The following RNF121 variants were observed in gnomAD, a reference collection of about 807,000 sequenced individuals.
RNF121 encodes E3 ubiquitin ligase RNF121.
Under a neutral mutation model 46.5 loss-of-function variants are expected in RNF121, and 21 were observed. That is an observed-to-expected ratio of 0.45 (90% CI 0.32 to 0.65). The LOEUF (loss-of-function observed/expected upper bound fraction) is 0.65. RNF121 is among the 30% of genes least tolerant of loss of function. RNF121 has a pLI of 0.04. For synonymous variants in RNF121, 139 were observed against 144.7 expected (o/e 0.96, Z 0.28); for missense variants, 346 against 416.0 (o/e 0.83, Z 1.46).
At chr11:71,995,592 A>G in intron 8 of RNF121, 41 bp downstream of exon 8, 1 of 1,489,528 alleles carries the variant, frequency 6.7e-7, no homozygotes, top group Non-Finnish European at 9.2e-7. Flanking sequence ...GGGCTGTGGG[A>G]AGAAAGTACT....
chr11:71,948,463 T>C (rs111421452), intron 1 of RNF121, among the ~76,000 whole-genome samples: 4,755 of 129,468 alleles, frequency 0.037, 74 homozygotes, highest in Middle Eastern at 0.12. Context: ...TGCAGTGACC[T>C]GAGATTGCGC....
chr11:71,994,485 A>G (rs1954932414), intron 6 of RNF121, among the ~76,000 whole-genome samples: 2 of 151,984 alleles, frequency 1.3e-5, no homozygotes, highest in Admixed American at 6.6e-5. Flanking sequence ...CTAACTTCCC[A>G]ACTGTCTCTA....
chr11:71,962,562 T>C (rs955617955), intron 3 of RNF121, among the ~76,000 whole-genome samples: 1 of 152,240 alleles, frequency 6.6e-6, no homozygotes, highest in Non-Finnish European at 1.5e-5. Context: ...ATGAGGCCAG[T>C]TGTACTAGGA....
intron 3 of RNF121, among the ~76,000 whole-genome samples, chr11:71,973,807 C>CA (rs1954471138): frequency 6.6e-6 from 1 of 151,292 alleles, no homozygotes; most frequent in African/African-American, 2.4e-5. Context: ...AAAAACAAAC[C>CA]AAAAAAACCC....
At chr11:71,971,473 C>T (rs1954418727) in intron 3 of RNF121, among the ~76,000 whole-genome samples, 1 of 152,118 alleles carries the variant, frequency 6.6e-6, no homozygotes, top group Non-Finnish European at 1.5e-5. Flanking sequence ...TTAAGGATTT[C>T]TGTTCTGTTA....
chr11:71,937,669 T>C (rs907648826), intron 1 of RNF121, among the ~76,000 whole-genome samples: 2 of 152,226 alleles, frequency 1.3e-5, no homozygotes, highest in African/African-American at 4.8e-5. Context: ...TATTTCTGTA[T>C]TGCTTCAACT....
intron 3 of RNF121, among the ~76,000 whole-genome samples, chr11:71,961,676 A>C (rs1182786488): frequency 6.6e-6 from 1 of 152,264 alleles, no homozygotes; most frequent in Admixed American, 6.5e-5. Flanking sequence ...AATCACTTTA[A>C]ATATAAATGG....
chr11:71,959,761 G>A (rs1219566353), intron 2 of RNF121, among the ~76,000 whole-genome samples: 1 of 151,472 alleles, frequency 6.6e-6, no homozygotes, highest in Non-Finnish European at 1.5e-5. Flanking sequence ...TCAGCCTCCT[G>A]AGTAGCTGGG....
At chr11:71,966,444 G>T (rs1377572354) in intron 3 of RNF121, among the ~76,000 whole-genome samples, 1 of 151,960 alleles carries the variant, frequency 6.6e-6, no homozygotes, top group African/African-American at 2.4e-5. Flanking sequence ...TTCTTCTGTG[G>T]CAACTACTTT....
At chr11:71,980,131 T>C (rs1954616892) in intron 3 of RNF121, among the ~76,000 whole-genome samples, 1 of 152,110 alleles carries the variant, frequency 6.6e-6, no homozygotes, top group South Asian at 2.1e-4. Context: ...TTCCACACTT[T>C]TTATGTAAGG....
chr11:71,978,628 A>C (rs1954584141), intron 3 of RNF121, among the ~76,000 whole-genome samples: 1 of 152,194 alleles, frequency 6.6e-6, no homozygotes, highest in African/African-American at 2.4e-5. Context: ...TATGCATCAC[A>C]CTTGTTTTAT....
intron 3 of RNF121, among the ~76,000 whole-genome samples, chr11:71,961,352 G>A (rs1954129041): frequency 6.6e-6 from 1 of 152,120 alleles, no homozygotes; most frequent in Non-Finnish European, 1.5e-5. Flanking sequence ...CTTCAGCTCA[G>A]GAGTTCAAGA....
At chr11:71,987,680 C>A (rs1954796023) in intron 5 of RNF121, among the ~76,000 whole-genome samples, 1 of 152,186 alleles carries the variant, frequency 6.6e-6, no homozygotes, top group Non-Finnish European at 1.5e-5. Context: ...GCTACAAAAC[C>A]TAAAATATTT....
chr11:71,942,614 A>C, intron 1 of RNF121, among the ~76,000 whole-genome samples: 1 of 151,946 alleles, frequency 6.6e-6, no homozygotes, highest in Non-Finnish European at 1.5e-5. Context: ...AATATAAAAA[A>C]TTAGCTGGGC....
chr11:71,942,555 G>C (rs1478291762), intron 1 of RNF121, among the ~76,000 whole-genome samples: 2 of 151,900 alleles, frequency 1.3e-5, no homozygotes, highest in Non-Finnish European at 2.9e-5. Context: ...TTGAGACTAG[G>C]AGTTTGAGAC....
chr11:71,944,243 G>T (rs111610022), intron 1 of RNF121, among the ~76,000 whole-genome samples: 4,942 of 152,274 alleles, frequency 0.032, 77 homozygotes, highest in East Asian at 0.078. Context: ...TGAGGCAGGA[G>T]AATCACTTAA....
intron 3 of RNF121, among the ~76,000 whole-genome samples, chr11:71,970,232 A>G (rs1015452687): frequency 5.9e-5 from 9 of 152,178 alleles, no homozygotes. Flanking sequence ...ATTAGGGCCT[A>G]TAGAGCTTCC....
intron 1 of RNF121, among the ~76,000 whole-genome samples, chr11:71,929,392 T>G (rs960293112): frequency 1.3e-5 from 2 of 151,698 alleles, no homozygotes; most frequent in Admixed American, 6.6e-5. Flanking sequence ...TGTTAAGATT[T>G]TGTGATTACT....
chr11:71,971,277 A>G (rs1019589105), intron 3 of RNF121, among the ~76,000 whole-genome samples: 4 of 152,064 alleles, frequency 2.6e-5, no homozygotes, highest in Non-Finnish European at 5.9e-5. Context: ...CCAGCTACTC[A>G]GGAGGCTGAG....
Sources: allele counts gnomAD v4.1 joint callset (sites outside exome capture counted in the v4.1 genomes callset), GRCh38; gene constraint gnomAD v4.1.1; transcripts MANE v1.5; gene names NCBI Gene and HGNC (gene_info 2026-07-23, HGNC 2026-07-21).